The following TSNAX variants were observed in gnomAD, a reference collection of about 807,000 sequenced individuals.
TSNAX encodes the protein translin associated factor X, also known as translin-associated protein X.
TSNAX carries 12 observed loss-of-function variants against 33.0 expected under a neutral mutation model. The ratio of observed to expected loss-of-function variants is 0.36; its 90% CI spans 0.23 to 0.59. TSNAX has a LOEUF of 0.59. Ranked by LOEUF, TSNAX falls within the 20% of genes least tolerant of loss-of-function variation. The pLI, the probability that TSNAX is intolerant of heterozygous loss-of-function variation, is 0.74. For missense variants in TSNAX, 267 were observed against 341.3 expected (o/e 0.78, Z 1.72); for synonymous variants, 110 against 117.2 (o/e 0.94, Z 0.40).
At chr1:231,550,826 C>A (rs1241761124) in intron 4 of TSNAX, among the ~76,000 whole-genome samples, 1 of 152,110 alleles carries the variant, frequency 6.6e-6, no homozygotes, top group Non-Finnish European at 1.5e-5. Context: ...TTGGCAGGAA[C>A]CCAGTTGCCT....
chr1:231,549,136 T>C (rs1447935140), intron 4 of TSNAX, among the ~76,000 whole-genome samples: 3 of 152,096 alleles, frequency 2.0e-5, no homozygotes, highest in Non-Finnish European at 4.4e-5. Context: ...GGAAATGGTA[T>C]GGAATTGATG....
chr1:231,533,665 A>C (rs1030869397), intron 2 of TSNAX, among the ~76,000 whole-genome samples: 2 of 152,246 alleles, frequency 1.3e-5, no homozygotes, highest in African/African-American at 4.8e-5. Flanking sequence ...CAGTTGGAAA[A>C]ATAGTACAGA....
chr1:231,539,972 G>A (rs1226962707), intron 3 of TSNAX, among the ~76,000 whole-genome samples: 3 of 152,096 alleles, frequency 2.0e-5, no homozygotes, highest in Non-Finnish European at 4.4e-5. Context: ...ATCACTTGAG[G>A]TCAGGAGTTT....
chr1:231,536,829 CT>C (rs774896185), intron 2 of TSNAX: 285 of 146,554 alleles, frequency 1.9e-3, no homozygotes, highest in East Asian at 4.3e-3. Context: ...ATTGTGACAT[CT>C]TTTTTTTTTT....
intron 2 of TSNAX, among the ~76,000 whole-genome samples, chr1:231,532,186 A>ACT (rs56906748): frequency 2.6e-5 from 3 of 115,952 alleles, no homozygotes; most frequent in South Asian, 2.6e-4. Flanking sequence ...ACACACACAC[A>ACT]GTTTTGGTTT....
chr1:231,542,747 A>G, intron 4 of TSNAX, 136 bp downstream of exon 4: 1 of 1,050,144 alleles, frequency 9.5e-7, no homozygotes, highest in Middle Eastern at 2.1e-4. Flanking sequence ...ACTTTGTAGT[A>G]ATATAGAAGT....
In TSNAX at chr1:231,538,523, T is replaced by C. The variant is rs145752682; in HGVS notation, c.236+1196T>C. On this transcript the variant is annotated intron_variant, in intron 3 of 5. Coordinates refer to ENST00000366639, the MANE Select transcript of TSNAX (RefSeq NM_005999.3). ...ATTCCTTTGCCTGTTTCACGAGAGG[T>C]AGAATAGTATCTACCCTACAACTCC... Among the ~76,000 whole-genome samples, 395 of 152,262 alleles carry C rather than the reference T, an allele frequency of 2.6e-3. 1 individual carries two copies. Among genetic ancestry groups the C allele is most frequent in the African/African-American group, 9.0e-3 (376 of 41,554 alleles).
chr1:231,532,083 AAAACT>A (rs201869842), intron 2 of TSNAX, among the ~76,000 whole-genome samples: 1,751 of 148,278 alleles, frequency 0.012, 47 homozygotes, highest in African/African-American at 0.041. Context: ...GGAAAAAAAA[AAAACT>A]AACTGAGGTG....
chr1:231,533,394 C>T (rs1302437472), intron 2 of TSNAX, among the ~76,000 whole-genome samples: 1 of 152,206 alleles, frequency 6.6e-6, no homozygotes, highest in Non-Finnish European at 1.5e-5. Context: ...AGCCATCGCG[C>T]CCGGCCCGGA....
chr1:231,536,082 G>A (rs1659150703), intron 2 of TSNAX: 1 of 152,066 alleles, frequency 6.6e-6, no homozygotes, highest in Non-Finnish European at 1.5e-5. Context: ...ATTTTCAGCT[G>A]ACTTTTTTCC....
At position 231,542,419 on chromosome 1, in the gene TSNAX, A is replaced by G. The variant is rs775893203; in HGVS notation, c.237-62A>G. On this transcript the variant is annotated intron_variant, in intron 3 of 5. Transcript: ENST00000366639. ...TTAGCCCTATGTTGATAATTAGGTT[A>G]TTTTAGTTTTTCACTGTTAAAGCAT... 3.2e-6 allele frequency: 5 copies of G among 1,570,074 alleles called. No homozygotes were observed. In the South Asian group the frequency reaches 5.8e-5, roughly 18 times the overall value.
At chr1:231,529,385 AGAAGG>A in intron 2 of TSNAX, 26 bp downstream of exon 2, 1 of 1,604,046 alleles carries the variant, frequency 6.2e-7, no homozygotes, top group Non-Finnish European at 8.5e-7. Context: ...TGTAAGTTGA[AGAAGG>A]GGAGAGAACA....
At chr1:231,552,409 A>T (rs1014820017) in intron 4 of TSNAX, among the ~76,000 whole-genome samples, 1 of 152,168 alleles carries the variant, frequency 6.6e-6, no homozygotes, top group Non-Finnish European at 1.5e-5. Context: ...AGGCATATAG[A>T]TATATTTATT....
intron 3 of TSNAX, 66 bp downstream of exon 3, chr1:231,537,393 TGA>T (rs1659251409): frequency 1.8e-6 from 2 of 1,116,018 alleles, no homozygotes; most frequent in Non-Finnish European, 2.6e-6. Context: ...TGTGACTTTG[TGA>T]GGATTAGAAG....
chr1:231,538,465 C>G (rs1413988644), intron 3 of TSNAX, among the ~76,000 whole-genome samples: 3 of 152,182 alleles, frequency 2.0e-5, no homozygotes, highest in African/African-American at 7.2e-5. Context: ...TCCATCTTTG[C>G]TTCTTTGTTT....
chr1:231,549,420 C>T (rs942248201), intron 4 of TSNAX, among the ~76,000 whole-genome samples: 17 of 152,064 alleles, frequency 1.1e-4, no homozygotes, highest in Non-Finnish European at 2.2e-4. Flanking sequence ...ACTCCGTCCC[C>T]GCCCCCAGCC....
intron 3 of TSNAX, among the ~76,000 whole-genome samples, chr1:231,537,787 TAAG>T (rs1659280051): frequency 6.6e-6 from 1 of 151,718 alleles, no homozygotes; most frequent in East Asian, 1.9e-4. Context: ...TGGGTGGACT[TAAG>T]AAAGAAAAAT....
chr1:231,542,724 T>G, intron 4 of TSNAX, 113 bp downstream of exon 4: 4 of 1,269,780 alleles, frequency 3.2e-6, no homozygotes, highest in Non-Finnish European at 4.3e-6. Context: ...ATACTGGCTT[T>G]TAAAGAACTG....
chr1:231,540,440 A>G (rs570735290), intron 3 of TSNAX, among the ~76,000 whole-genome samples: 3 of 152,226 alleles, frequency 2.0e-5, no homozygotes, highest in East Asian at 1.9e-4. Context: ...TTTGTGTCCA[A>G]ATATTTTGGG....
Sources: gnomAD v4.1 joint callset for allele counts (sites outside exome capture counted in the v4.1 genomes callset) on GRCh38, gnomAD v4.1.1 for gene constraint, MANE v1.5 for transcripts, NCBI Gene and HGNC (gene_info 2026-07-23, HGNC 2026-07-21) for gene names.